Variants in ARHGAP32 observed in about 807,000 individuals in gnomAD.
The protein encoded by ARHGAP32 is Rho GTPase activating protein 32, also known as rho GTPase-activating protein 32.
Under a neutral mutation model 186.5 loss-of-function variants are expected in ARHGAP32, and 51 were observed. The ratio of observed to expected loss-of-function variants is 0.27; its 90% CI spans 0.22 to 0.35. The LOEUF (loss-of-function observed/expected upper bound fraction) is 0.35. Among genes scored for constraint, ARHGAP32 ranks in the 10% least tolerant of loss-of-function variants. The pLI is 1.00. For missense variants in ARHGAP32, 2,186 were observed against 2,623.5 expected (o/e 0.83, Z 3.64); for synonymous variants, 950 against 964.3 (o/e 0.99, Z 0.27).
chr11:129,051,630 TC>T (rs1201435171), intron 10 of ARHGAP32, among the ~76,000 whole-genome samples: 2 of 151,844 alleles, frequency 1.3e-5, no homozygotes, highest in Non-Finnish European at 2.9e-5. Flanking sequence ...TATGTTTTCT[TC>T]TTGAAGTTTT....
At chr11:129,157,935 A>C (rs2135470760) in intron 2 of ARHGAP32, among the ~76,000 whole-genome samples, 1 of 152,292 alleles carries the variant, frequency 6.6e-6, no homozygotes, top group African/African-American at 2.4e-5. Context: ...CAACATTCTA[A>C]AAAGAATTTT....
At chr11:129,135,952 C>T (rs1389523655) in intron 2 of ARHGAP32, among the ~76,000 whole-genome samples, 1 of 152,110 alleles carries the variant, frequency 6.6e-6, no homozygotes, top group Non-Finnish European at 1.5e-5. Flanking sequence ...TATTCCGACA[C>T]CCTACCGAAT....
At chr11:129,133,030 T>A (rs1033963166) in intron 2 of ARHGAP32, among the ~76,000 whole-genome samples, 1 of 151,990 alleles carries the variant, frequency 6.6e-6, no homozygotes, top group African/African-American at 2.4e-5. Context: ...ACAGGCTGTG[T>A]AGGAAGCATG....
At chr11:129,043,737 T>C (rs1160186906) in intron 10 of ARHGAP32, among the ~76,000 whole-genome samples, 1 of 152,114 alleles carries the variant, frequency 6.6e-6, no homozygotes, top group Non-Finnish European at 1.5e-5. Flanking sequence ...CTTCTCTGCC[T>C]TCACAGAAGG....
intron 1 of ARHGAP32, 89 bp downstream of exon 1, chr11:129,191,994 G>T: frequency 1.0e-6 from 1 of 1,003,358 alleles, no homozygotes; most frequent in Non-Finnish European, 1.5e-6. Context: ...AGTCTTATTG[G>T]AAAAAAGACC....
rs1945239901 is a variant in ARHGAP32 at position 128,967,162 on chromosome 11, T to C, written c.*1745A>G. The stretch of plus-strand genomic sequence containing the variant: ...AATGTGTTGTTCTTGAAACATTTTA[T>C]TTTTTTCTAAATATAAACCCTTAAA... On this transcript the variant is annotated 3_prime_UTR_variant, in exon 23 of 23. Coordinates refer to ENST00000682385, the MANE Select transcript of ARHGAP32 (RefSeq NM_001378024.1). The C allele has an allele frequency of 6.6e-6, 1 of 152,220 alleles. No individual in the cohort carries two copies. Among genetic ancestry groups the C allele is most frequent in the South Asian group, 2.1e-4 (1 of 4,828 alleles). 9.4% of individuals were successfully genotyped at this position (152,220 alleles called of 1,614,324 possible). A position where few individuals can be genotyped will look rare whatever the true frequency, so the allele number is the denominator to read the frequency against.
chr11:129,007,196 C>T (rs1180246186), intron 11 of ARHGAP32, among the ~76,000 whole-genome samples: 5 of 151,992 alleles, frequency 3.3e-5, no homozygotes, highest in Non-Finnish European at 5.9e-5. Flanking sequence ...TCAGAGTCCC[C>T]AAGAGTCTGC....
intron 11 of ARHGAP32, among the ~76,000 whole-genome samples, chr11:129,003,003 T>C (rs1237246290): frequency 6.6e-6 from 1 of 152,048 alleles, no homozygotes; most frequent in African/African-American, 2.4e-5. Context: ...AGAGACGGGG[T>C]TTCACCTTGG....
rs139679162 is a variant in ARHGAP32, at chr11:129,057,540, C to T, written c.963+4740G>A. 5.9e-5 allele frequency among the ~76,000 whole-genome samples: 9 copies of T among 152,104 alleles called. No homozygotes were observed. The East Asian group carries it at 1.4e-3, about 23-fold the overall frequency. ...TCCTAACCCCCAGAAACTCAGGATG[C>T]GACTACAGTCATTTCTCAACATAGC... On this transcript the variant is annotated intron_variant, in intron 10 of 22. Coordinates refer to ENST00000682385, the MANE Select transcript of ARHGAP32 (RefSeq NM_001378024.1).
intron 11 of ARHGAP32, among the ~76,000 whole-genome samples, chr11:129,004,245 C>CT (rs71057919): frequency 0.28 from 32,118 of 116,524 alleles, 4,644 homozygotes; most frequent in Middle Eastern, 0.37. Flanking sequence ...CAATGCTTTC[C>CT]TTTTTTTTTT....
rs780787282 is a variant in ARHGAP32 at position 129,062,261 on chromosome 11, C to T, written c.963+19G>A. The T allele has an allele frequency of 5.0e-6, 8 of 1,610,438 alleles. No homozygotes were observed. Among genetic ancestry groups the T allele is most frequent in the South Asian group, 1.1e-5 (1 of 90,826 alleles). On this transcript the variant is annotated intron_variant, in intron 10 of 22. Coordinates refer to ENST00000682385, the MANE Select transcript of ARHGAP32 (RefSeq NM_001378024.1). ...AACTTTCCTTTGAATTTTCCCACAC[C>T]TAATTTGCTGCTGCCTACCTGGAAT...
chr11:129,223,221 T>C (rs1202888918), intron 1 of ARHGAP32, among the ~76,000 whole-genome samples: 2 of 152,184 alleles, frequency 1.3e-5, no homozygotes, highest in African/African-American at 4.8e-5. Flanking sequence ...TAACCACATA[T>C]GGCTAGTGGC....
At chr11:129,127,608 G>T (rs1942693170) in intron 2 of ARHGAP32, among the ~76,000 whole-genome samples, 1 of 121,560 alleles carries the variant, frequency 8.2e-6, no homozygotes, top group Non-Finnish European at 1.7e-5. Context: ...ATCACCTGAT[G>T]AACTAATATT....
intron 6 of ARHGAP32, among the ~76,000 whole-genome samples, chr11:129,087,050 A>G (rs544734560): frequency 6.6e-6 from 1 of 152,310 alleles, no homozygotes; most frequent in South Asian, 2.1e-4. Flanking sequence ...AAATGCTACT[A>G]CATAACATAT....
intron 12 of ARHGAP32, among the ~76,000 whole-genome samples, chr11:128,993,873 T>C (rs865804251): frequency 5.3e-5 from 8 of 152,086 alleles, no homozygotes; most frequent in Middle Eastern, 3.4e-3. Context: ...TTAAAATTTT[T>C]TGTAGAGACA....
chr11:129,153,016 T>C (rs1268558724), intron 2 of ARHGAP32, among the ~76,000 whole-genome samples: 1 of 152,080 alleles, frequency 6.6e-6, no homozygotes. Flanking sequence ...AGCTCCCAGA[T>C]CTGATAAATA....
intron 1 of ARHGAP32, among the ~76,000 whole-genome samples, chr11:129,220,964 C>T (rs1591703772): frequency 1.3e-5 from 2 of 152,052 alleles, no homozygotes; most frequent in Admixed American, 6.6e-5. Flanking sequence ...ACACCAGATT[C>T]TCTAGGGATA....
At chr11:129,106,915 T>C (rs1398385203) in intron 5 of ARHGAP32, among the ~76,000 whole-genome samples, 1 of 152,192 alleles carries the variant, frequency 6.6e-6, no homozygotes, top group Non-Finnish European at 1.5e-5. Context: ...GCAAATATTA[T>C]TTTTTAAAAT....
rs145776868 is a variant in ARHGAP32, at chr11:129,123,329, T to TA, written c.444+116dup. 96,784 of 709,876 alleles carry TA rather than the reference T, an allele frequency of 0.14. 3,179 individuals carry two copies. The highest frequency in any genetic ancestry group is 0.2 in the African/African-American group (10,785 of 53,546). The allele number at this position is 709,876 out of a possible 1,614,324, so 44.0% of individuals were successfully genotyped here. A position where few individuals can be genotyped will look rare whatever the true frequency, so the allele number is the denominator to read the frequency against. ...TTACCTCAACCAATAAGACATCAAT[T>TA]AAAAAAAAAACTACTTCAAAGTGTC... On this transcript the variant is annotated intron_variant, in intron 5 of 22. Coordinates refer to ENST00000682385, the MANE Select transcript of ARHGAP32 (RefSeq NM_001378024.1). The surrounding 1 kb of genome is among the most constrained non-coding windows in gnomAD (Gnocchi z 4.6).
Sources: gnomAD v4.1 joint callset for allele counts (sites outside exome capture counted in the v4.1 genomes callset) on GRCh38, gnomAD v4.1.1 for gene constraint, Gnocchi (gnomAD v3.1) non-coding constraint, MANE v1.5 for transcripts, NCBI Gene and HGNC (gene_info 2026-07-23, HGNC 2026-07-21) for gene names.